The following SLC15A5 variants were observed in gnomAD, a reference collection of about 807,000 sequenced individuals.
The protein encoded by SLC15A5 is Peptide/histidine transporter ENSP00000340402.
A neutral mutation model predicts 56.1 loss-of-function variants in SLC15A5; 58 were observed. The ratio of observed to expected loss-of-function variants is 1.03; its 90% CI spans 0.84 to 1.29. The LOEUF (loss-of-function observed/expected upper bound fraction) is 1.29, where lower values mean the gene tolerates loss of function less well. SLC15A5 is among the 50% of genes most tolerant of loss of function. The probability of loss-of-function intolerance (pLI) is 0.00; values close to 1 mark genes in which losing one functional copy is unlikely to be tolerated. For missense variants in SLC15A5, 681 were observed against 672.1 expected, an observed-to-expected ratio of 1.01 and a Z score of -0.15; for synonymous variants, 264 against 250.5, an observed-to-expected ratio of 1.05 and a Z score of -0.51.
intron 1 of SLC15A5, among the ~76,000 whole-genome samples, chr12:16,274,126 T>A (rs1486393449): frequency 1.3e-5 from 2 of 151,974 alleles, no homozygotes. Context: ...AAATACCTTT[T>A]CAGTTATTTT....
chr12:16,223,299 G>A (rs908976715), intron 6 of SLC15A5, among the ~76,000 whole-genome samples: 2 of 152,052 alleles, frequency 1.3e-5, no homozygotes, highest in African/African-American at 2.4e-5. Context: ...AATGGAGGTC[G>A]GAAGATAGTT....
intron 3 of SLC15A5, among the ~76,000 whole-genome samples, chr12:16,256,218 A>G (rs776190478): frequency 3.3e-5 from 5 of 152,288 alleles, no homozygotes; most frequent in East Asian, 1.9e-4. Context: ...CTATACCTCA[A>G]TGTAACTAGC....
intron 3 of SLC15A5, 21 bp downstream of exon 3, chr12:16,257,680 T>C: frequency 7.1e-7 from 1 of 1,417,732 alleles, no homozygotes; most frequent in Admixed American, 3.1e-5. Context: ...CAGAAATCAA[T>C]GTAACGCATA....
At chr12:16,236,038 T>C (rs1864349062) in intron 5 of SLC15A5, among the ~76,000 whole-genome samples, 1 of 152,170 alleles carries the variant, frequency 6.6e-6, no homozygotes. Context: ...ATTTAAATGT[T>C]ATTTAAAAGC....
chr12:16,206,105 A>G (rs925826716), intron 7 of SLC15A5, among the ~76,000 whole-genome samples: 2 of 152,150 alleles, frequency 1.3e-5, no homozygotes, highest in Non-Finnish European at 2.9e-5. Context: ...AAAAGATGTA[A>G]CAGTCTGTCT....
chr12:16,277,283 TAATTA>T lies in SLC15A5; in HGVS notation c.361+37_361+41del, dbSNP rs532801035. Reference sequence around the variant, plus strand: ...CTAAAAATTCTAACAAAAATCTACTTAATTAAGTCACAAAACAATCCAGTCAGCAG... The same window carrying T: ...CTAAAAATTCTAACAAAAATCTACTTAGTCACAAAACAATCCAGTCAGCAG... On this transcript the variant is annotated intron_variant, in intron 1 of 8. Transcript: ENST00000344941. 3.2e-3 allele frequency: 4,585 copies of T among 1,441,318 alleles called. 21 individuals are homozygous for T. The highest frequency in any genetic ancestry group is 0.011 in the Admixed American group (377 of 35,120). The allele number at this position is 1,441,318 out of a possible 1,614,324, so 89.3% of individuals were successfully genotyped here. A position where few individuals can be genotyped will look rare whatever the true frequency, so the allele number is the denominator to read the frequency against.
chr12:16,212,028 C>G (rs969842466), intron 7 of SLC15A5, among the ~76,000 whole-genome samples: 5 of 152,154 alleles, frequency 3.3e-5, no homozygotes, highest in Non-Finnish European at 5.9e-5. Context: ...CACACATGCT[C>G]AGCTGACATG....
intron 2 of SLC15A5, among the ~76,000 whole-genome samples, chr12:16,259,825 G>T (rs1864622651): frequency 6.6e-6 from 1 of 151,582 alleles, no homozygotes; most frequent in South Asian, 2.1e-4. Context: ...ATTAATTGGA[G>T]ACTAGCCTTG....
chr12:16,209,240 A>C (rs553681044), intron 7 of SLC15A5, among the ~76,000 whole-genome samples: 8 of 152,150 alleles, frequency 5.3e-5, no homozygotes, highest in Non-Finnish European at 8.8e-5. Flanking sequence ...CAGTGAATAT[A>C]CATATGTGCA....
At chr12:16,216,213 A>C (rs187619368) in intron 7 of SLC15A5, among the ~76,000 whole-genome samples, 35 of 152,302 alleles carry the variant, frequency 2.3e-4, no homozygotes, top group African/African-American at 7.9e-4. Flanking sequence ...ACAAAATTTC[A>C]AAAGTCCAGA....
At chr12:16,270,965 A>G (rs1864748133) in intron 2 of SLC15A5, among the ~76,000 whole-genome samples, 1 of 152,240 alleles carries the variant, frequency 6.6e-6, no homozygotes, top group South Asian at 2.1e-4. Context: ...TTAAAAAATA[A>G]CAGCCTGATT....
rs989512404 is a variant in SLC15A5 at position 16,271,929 on chromosome 12, T to C, written c.584+632A>G. Among the ~76,000 whole-genome samples, 1 of 152,174 alleles carries C rather than the reference T, an allele frequency of 6.6e-6. No individual in the cohort carries two copies. The highest frequency in any genetic ancestry group is 1.5e-5 in the Non-Finnish European group (1 of 68,034). On this transcript the variant is annotated intron_variant, in intron 2 of 8. Coordinates refer to ENST00000344941, the MANE Select transcript of SLC15A5 (RefSeq NM_001170798.1). The surrounding 1 kb of genome is among the most constrained non-coding windows in gnomAD (Gnocchi z 8.0). ...CATGGAATATAAACTCTTTTAGGTGTTGGGAGCGAACTGGGTGAGAAACAG... is the reference window on the plus strand; with the variant it reads ...CATGGAATATAAACTCTTTTAGGTGCTGGGAGCGAACTGGGTGAGAAACAG...
At chr12:16,245,071 A>G (rs978985572) in intron 3 of SLC15A5, among the ~76,000 whole-genome samples, 4 of 152,242 alleles carry the variant, frequency 2.6e-5, no homozygotes, top group African/African-American at 9.6e-5. Flanking sequence ...GTGACAAAAT[A>G]ATACGCCAAA....
At chr12:16,261,648 T>G (rs1864644059) in intron 2 of SLC15A5, among the ~76,000 whole-genome samples, 1 of 152,298 alleles carries the variant, frequency 6.6e-6, no homozygotes, top group African/African-American at 2.4e-5. Context: ...TAAGAAAATA[T>G]CAAATAGTTT....
At chr12:16,238,350 G>A (rs368713552) in intron 5 of SLC15A5, among the ~76,000 whole-genome samples, 6 of 152,064 alleles carry the variant, frequency 3.9e-5, no homozygotes, top group African/African-American at 1.2e-4. Context: ...CAGGTTGGCC[G>A]GGCGTGGTGG....
At chr12:16,234,828 A>G (rs2136255000) in intron 5 of SLC15A5, among the ~76,000 whole-genome samples, 1 of 152,316 alleles carries the variant, frequency 6.6e-6, no homozygotes, top group South Asian at 2.1e-4. Flanking sequence ...CTGAACTTAT[A>G]CTAAAAAAGT....
chr12:16,277,518 C>T lies in SLC15A5; in HGVS notation c.168G>A (p.Thr56=), dbSNP rs780420939. 39 of 1,536,364 alleles carry T rather than the reference C, an allele frequency of 2.5e-5. 1 individual carries two copies. The Admixed American group carries it at 5.3e-4, about 21-fold the overall frequency. Residue 56 remains threonine (T), a synonymous_variant, in exon 1 of 9, where the codon ACG becomes ACA. Coordinates refer to ENST00000344941, the MANE Select transcript of SLC15A5 (RefSeq NM_001170798.1). Reference sequence around the variant, plus strand: ...TCATGTTGCAGACGACTTCAAAGAACGTGAACCTCTCACACAGCTCCACCA... The same window carrying T: ...TCATGTTGCAGACGACTTCAAAGAATGTGAACCTCTCACACAGCTCCACCA... The part of the protein sequence containing the change: ...LLLVELCERF[T]FFEVVCNMIP...
At chr12:16,210,759 T>G (rs979180900) in intron 7 of SLC15A5, among the ~76,000 whole-genome samples, 1 of 152,216 alleles carries the variant, frequency 6.6e-6, no homozygotes, top group Admixed American at 6.5e-5. Context: ...CTGCCTTTTC[T>G]ACCTCTCGTG....
intron 4 of SLC15A5, among the ~76,000 whole-genome samples, chr12:16,242,092 G>A (rs953959494): frequency 9.2e-5 from 14 of 152,172 alleles, no homozygotes; most frequent in Admixed American, 5.2e-4. Context: ...CTCATCAGCC[G>A]TAATATCAAC....
Sources: gnomAD v4.1 joint callset for allele counts (sites outside exome capture counted in the v4.1 genomes callset) on GRCh38, gnomAD v4.1.1 for gene constraint, Gnocchi (gnomAD v3.1) non-coding constraint, MANE v1.5 for transcripts, NCBI Gene and HGNC (gene_info 2026-07-23, HGNC 2026-07-21) for gene names.